TEAD4: variants seen among roughly 807,000 people sequenced by gnomAD.
TEAD4 encodes the protein TEA domain transcription factor 4, also known as transcriptional enhancer factor TEF-3.
In TEAD4, 36 loss-of-function variants were observed where a neutral mutation model predicts 52.4. The ratio of observed to expected loss-of-function variants is 0.69; its 90% CI spans 0.53 to 0.91. The LOEUF is 0.91. Among genes scored for constraint, TEAD4 ranks in the 40% least tolerant of loss-of-function variants. The pLI, the probability that TEAD4 is intolerant of heterozygous loss-of-function variation, is 0.00. For missense variants in TEAD4, 508 were observed against 583.9 expected (o/e 0.87, Z 1.34); for synonymous variants, 220 against 231.0 (o/e 0.95, Z 0.43).
intron 2 of TEAD4, among the ~76,000 whole-genome samples, chr12:2,966,328 T>A (rs1361019067): frequency 6.6e-6 from 1 of 152,078 alleles, no homozygotes; most frequent in Non-Finnish European, 1.5e-5. Context: ...GGGCTGTCTT[T>A]GGCTTAGTCC....
At chr12:3,030,427 A>C (rs936521449) in intron 10 of TEAD4, among the ~76,000 whole-genome samples, 2 of 152,126 alleles carry the variant, frequency 1.3e-5, no homozygotes, top group African/African-American at 4.8e-5. Context: ...CCTGGGGACA[A>C]ATCCTGTTCC....
intron 5 of TEAD4, among the ~76,000 whole-genome samples, chr12:3,013,715 C>T (rs2098262233): frequency 6.6e-6 from 1 of 152,108 alleles, no homozygotes; most frequent in African/African-American, 2.4e-5. Context: ...GTCTGGGCAA[C>T]AGAGTGAGAC....
At chr12:2,973,493 C>G (rs1448026011) in intron 2 of TEAD4, among the ~76,000 whole-genome samples, 1 of 152,166 alleles carries the variant, frequency 6.6e-6, no homozygotes, top group Non-Finnish European at 1.5e-5. Context: ...GTGAGGAACT[C>G]TGAAAGTGAG....
At chr12:2,977,329 C>G (rs564022224) in intron 2 of TEAD4, among the ~76,000 whole-genome samples, 32 of 152,304 alleles carry the variant, frequency 2.1e-4, no homozygotes, top group Non-Finnish European at 4.1e-4. Context: ...GCTCTCTCTC[C>G]CTTTCCCCCT....
chr12:3,022,217 G>A (rs553942847), intron 10 of TEAD4, among the ~76,000 whole-genome samples, 200 bp downstream of exon 10: 84 of 152,318 alleles, frequency 5.5e-4, no homozygotes, highest in Non-Finnish European at 1.2e-3. Flanking sequence ...CAGAGAGCTG[G>A]CCTAGTCGAA....
intron 10 of TEAD4, 84 bp from the exon 11 acceptor site, chr12:3,037,878 GCCGGGA>G (rs1240729736): frequency 1.3e-6 from 2 of 1,485,834 alleles, no homozygotes; most frequent in East Asian, 4.7e-5. Context: ...CAGCCCTAGA[GCCGGGA>G]CCGGGACCCT....
chr12:3,039,439 A>C (rs2098281349), intron 11 of TEAD4, among the ~76,000 whole-genome samples: 1 of 152,100 alleles, frequency 6.6e-6, no homozygotes, highest in Non-Finnish European at 1.5e-5. Flanking sequence ...TTCAGATTTC[A>C]CCAGTTTTAT....
At chr12:2,982,715 G>A (rs1186385650) in intron 2 of TEAD4, among the ~76,000 whole-genome samples, 2 of 152,168 alleles carry the variant, frequency 1.3e-5, no homozygotes, top group Non-Finnish European at 2.9e-5. Flanking sequence ...ACCCCATTTC[G>A]GTAACAAACC....
At chr12:2,992,737 G>A (rs2098244172) in intron 2 of TEAD4, among the ~76,000 whole-genome samples, 1 of 152,152 alleles carries the variant, frequency 6.6e-6, no homozygotes, top group African/African-American at 2.4e-5. Flanking sequence ...GGACTCGGTG[G>A]CTGGGATGGG....
chr12:3,022,152 GC>G, intron 10 of TEAD4, 135 bp downstream of exon 10: 1 of 1,180,798 alleles, frequency 8.5e-7, no homozygotes, highest in Non-Finnish European at 1.2e-6. Context: ...GGGAGAGTAA[GC>G]CCAGCATGGC....
chr12:3,018,943 C>T (rs2098266600), intron 7 of TEAD4, among the ~76,000 whole-genome samples, 172 bp from the exon 8 acceptor site: 1 of 152,026 alleles, frequency 6.6e-6, no homozygotes, highest in Admixed American at 6.5e-5. Context: ...GTCTGTGGAC[C>T]CGCCACGAAA....
chr12:3,031,692 C>T (rs1467850299), intron 10 of TEAD4, among the ~76,000 whole-genome samples: 2 of 152,154 alleles, frequency 1.3e-5, no homozygotes, highest in Non-Finnish European at 2.9e-5. Flanking sequence ...TACATACAGT[C>T]ACACGTCTCA....
At chr12:2,967,085 T>A (rs2098221046) in intron 2 of TEAD4, among the ~76,000 whole-genome samples, 1 of 152,188 alleles carries the variant, frequency 6.6e-6, no homozygotes, top group African/African-American at 2.4e-5. Flanking sequence ...CTCAGTTGAC[T>A]GGAATGCTGC....
chr12:3,021,867 C>T lies in TEAD4; in HGVS notation c.747C>T (p.His249=). The T allele has an allele frequency of 6.2e-7, 1 of 1,614,216 alleles. No individual in the cohort carries two copies. The highest frequency in any genetic ancestry group is 8.5e-7 in the Non-Finnish European group (1 of 1,180,030). ...AGTACAACAAGCACCTGTTCGTGCA[C>T]ATTGGCCAGTCCAGCCCAAGCTACA... Residue 249 remains histidine (H), a synonymous_variant, in exon 10 of 13, where the codon CAC becomes CAT. Transcript: ENST00000359864.
chr12:3,027,995 C>T (rs2153957945), intron 10 of TEAD4, among the ~76,000 whole-genome samples: 1 of 152,310 alleles, frequency 6.6e-6, no homozygotes, highest in East Asian at 1.9e-4. Context: ...TGTCACTCCC[C>T]ACTCCTACCC....
intron 2 of TEAD4, among the ~76,000 whole-genome samples, chr12:2,986,590 AT>A (rs1462557706): frequency 6.6e-6 from 1 of 151,884 alleles, no homozygotes; most frequent in Non-Finnish European, 1.5e-5. Flanking sequence ...CAGTGAGCTG[AT>A]ACTGCACCAC....
rs7311776 is a variant in TEAD4, at chr12:3,017,887, G to A, written c.483+361G>A. Among the ~76,000 whole-genome samples the A allele has an allele frequency of 5.9e-3, 901 of 152,294 alleles. 10 individuals carry two copies. The highest frequency in any genetic ancestry group is 0.019 in the African/African-American group (806 of 41,556). On this transcript the variant is annotated intron_variant, in intron 6 of 12. Transcript: ENST00000359864. ...AGACCAGCATGTACCTGGGCAGCTC[G>A]TGCCACGCAGCCTCATTCCTGCCCT...
chr12:3,006,335 T>C (rs564696600), intron 3 of TEAD4, among the ~76,000 whole-genome samples: 21 of 152,110 alleles, frequency 1.4e-4, no homozygotes, highest in African/African-American at 5.1e-4. Context: ...AAACCCCAAA[T>C]CTGGAACACT....
Position 3,008,067 on chromosome 12 carries a change from A to G in TEAD4, c.227-2937A>G, listed in dbSNP as rs570976703. ...ATAAATAAGTGAATAAATAGACCAA[A>G]AATCCCTATTCGCATGGACTGTGGT... On this transcript the variant is annotated intron_variant, in intron 3 of 12. Coordinates refer to ENST00000359864, the MANE Select transcript of TEAD4 (RefSeq NM_003213.4). Among the ~76,000 whole-genome samples, 14 of 152,188 alleles carry G rather than the reference A, an allele frequency of 9.2e-5. No individual in the cohort carries two copies. The South Asian group carries it at 2.9e-3, about 32-fold the overall frequency.
Sources: gnomAD v4.1 joint callset for allele counts (sites outside exome capture counted in the v4.1 genomes callset) on GRCh38, gnomAD v4.1.1 for gene constraint, MANE v1.5 for transcripts, NCBI Gene and HGNC (gene_info 2026-07-23, HGNC 2026-07-21) for gene names.